Variants in P2RY12 observed in about 807,000 individuals in gnomAD.
P2RY12 encodes P2Y purinoceptor 12.
P2RY12 carries 3 observed loss-of-function variants against 4.5 expected under a neutral mutation model. The observed-to-expected ratio is 0.67, with a 90% CI of 0.31 to 1.74. The LOEUF (loss-of-function observed/expected upper bound fraction) is 1.74. Among genes scored for constraint, P2RY12 ranks in the 40% most tolerant of loss-of-function variants. P2RY12 has a pLI of 0.09. For missense variants in P2RY12, 356 were observed against 407.8 expected, an observed-to-expected ratio of 0.87 and a Z score of 1.09; for synonymous variants, 148 against 154.1, an observed-to-expected ratio of 0.96 and a Z score of 0.29.
chr3:151,356,362 A>G lies in P2RY12; in HGVS notation c.-179-15602T>C, dbSNP rs540986888. Among the ~76,000 whole-genome samples, 3 of 152,296 alleles carry G rather than the reference A, an allele frequency of 2.0e-5. No homozygotes were observed. The South Asian group carries it at 6.2e-4, about 32-fold the overall frequency. ...AGCCATGATCATACAACTGCACTCA[A>G]GCCTATGGGACAGTGCAAGGCCCTG... On this transcript the variant is annotated intron_variant, in intron 1 of 2. Transcript: ENST00000302632.
chr3:151,369,337 C>T, intron 1 of P2RY12: 1 of 702,744 alleles, frequency 1.4e-6, no homozygotes. Flanking sequence ...GGCAATTAAG[C>T]ACCCACAGTC....
At chr3:151,341,158 T>C (rs1157944130) in intron 1 of P2RY12, among the ~76,000 whole-genome samples, 1 of 152,160 alleles carries the variant, frequency 6.6e-6, no homozygotes. Context: ...AACAAGTAAT[T>C]ATGTTAACTC....
intron 1 of P2RY12, chr3:151,350,194 A>G (rs1355586394): frequency 1.9e-6 from 3 of 1,613,578 alleles, no homozygotes; most frequent in Non-Finnish European, 2.5e-6. Flanking sequence ...GAAGAGCACC[A>G]CAGAGACAGG....
chr3:151,376,489 TAAAG>T (rs1221177207), intron 1 of P2RY12, among the ~76,000 whole-genome samples: 23 of 152,186 alleles, frequency 1.5e-4, no homozygotes, highest in Admixed American at 1.5e-3. Flanking sequence ...AATATATTAT[TAAAG>T]AAATATTGAA....
intron 1 of P2RY12, chr3:151,355,767 C>T: frequency 1.5e-6 from 1 of 673,214 alleles, no homozygotes; most frequent in Non-Finnish European, 2.3e-6. Context: ...TCTATAGAAA[C>T]ACGTTTTGAC....
intron 1 of P2RY12, among the ~76,000 whole-genome samples, chr3:151,374,496 C>T (rs911339069): frequency 4.6e-5 from 7 of 152,012 alleles, no homozygotes; most frequent in African/African-American, 7.2e-5. Context: ...TGCAGTGAGC[C>T]GAGATTGCGC....
chr3:151,355,294 A>AT lies in P2RY12; in HGVS notation c.-179-14535dup. The AT allele has an allele frequency of 4.8e-6, 6 of 1,251,110 alleles. No individual in the cohort carries two copies. In the East Asian group the frequency reaches 9.4e-5, roughly 20 times the overall value. The allele number at this position is 1,251,110 out of a possible 1,614,324, so 77.5% of individuals were successfully genotyped here. A position where few individuals can be genotyped will look rare whatever the true frequency, so the allele number is the denominator to read the frequency against. ...TTGCAGTATTCTAATTTACTTAAAA[A>AT]TTTTTTTCATGCAGTATATTTTCTC... On this transcript the variant is annotated intron_variant, in intron 1 of 2. Coordinates refer to ENST00000302632, the MANE Select transcript of P2RY12 (RefSeq NM_022788.5).
chr3:151,382,775 A>G (rs369127425), intron 1 of P2RY12: 3 of 1,549,862 alleles, frequency 1.9e-6, no homozygotes, highest in South Asian at 2.3e-5. Context: ...TTTTCCCTCC[A>G]TTAAACATAT....
intron 1 of P2RY12, among the ~76,000 whole-genome samples, chr3:151,350,392 T>C (rs927655360): frequency 2.0e-5 from 3 of 152,108 alleles, no homozygotes; most frequent in Non-Finnish European, 4.4e-5. Context: ...GCAACCCTTG[T>C]ATTAAAATAT....
At chr3:151,367,318 G>T (rs536929578) in intron 1 of P2RY12, among the ~76,000 whole-genome samples, 11 of 152,178 alleles carry the variant, frequency 7.2e-5, no homozygotes, top group African/African-American at 2.6e-4. Context: ...ATATCTTGTT[G>T]CAGTCTGCCA....
chr3:151,364,909 T>G (rs1001395354), intron 1 of P2RY12: 1 of 1,107,774 alleles, frequency 9.0e-7, no homozygotes, highest in African/African-American at 1.5e-5. Flanking sequence ...TAATATGTCC[T>G]TAAGTGAAAT....
intron 1 of P2RY12, among the ~76,000 whole-genome samples, chr3:151,383,219 C>T (rs1245714994): frequency 6.6e-6 from 1 of 152,194 alleles, no homozygotes; most frequent in African/African-American, 2.4e-5. Context: ...CTTTTCCCAT[C>T]AGGCAGGCCC....
chr3:151,379,392 C>T (rs1165871204), intron 1 of P2RY12, among the ~76,000 whole-genome samples: 3 of 152,182 alleles, frequency 2.0e-5, no homozygotes, highest in African/African-American at 7.2e-5. Flanking sequence ...CAACATGGCG[C>T]TTTGTTTGTC....
Position 151,337,499 on chromosome 3 carries a change from T to C in P2RY12, c.*318A>G. 3.9e-6 allele frequency: 1 copy of C among 256,142 alleles called. No homozygotes were observed. Among genetic ancestry groups the C allele is most frequent in the East Asian group, 9.2e-5 (1 of 10,890 alleles). The allele number at this position is 256,142 out of a possible 1,614,324, so 15.9% of individuals were successfully genotyped here. A position where few individuals can be genotyped will look rare whatever the true frequency, so the allele number is the denominator to read the frequency against. On this transcript the variant is annotated 3_prime_UTR_variant, in exon 3 of 3. Coordinates refer to ENST00000302632, the MANE Select transcript of P2RY12 (RefSeq NM_022788.5). ...GTGAACGATAATGTATTTTAAAAAT[T>C]ACAGTAAATATTATATGATTACTCA...
intron 1 of P2RY12, among the ~76,000 whole-genome samples, 166 bp downstream of exon 1, chr3:151,384,526 G>A (rs962654385): frequency 7.2e-5 from 11 of 152,004 alleles, no homozygotes; most frequent in African/African-American, 2.7e-4. Context: ...TCTATGCTTG[G>A]ACTGGCACGT....
chr3:151,344,821 CATT>C (rs771152561), intron 1 of P2RY12, among the ~76,000 whole-genome samples: 2 of 152,134 alleles, frequency 1.3e-5, no homozygotes, highest in African/African-American at 4.8e-5. Context: ...ATAATTGAAT[CATT>C]GTTGAAATAT....
intron 1 of P2RY12, among the ~76,000 whole-genome samples, chr3:151,373,628 C>A (rs1012699020): frequency 2.0e-5 from 3 of 151,888 alleles, no homozygotes; most frequent in Non-Finnish European, 4.4e-5. Flanking sequence ...TAAGGAAGAG[C>A]CTGCCCTCCT....
At chr3:151,368,988 C>G (rs1018419872) in intron 1 of P2RY12, among the ~76,000 whole-genome samples, 3 of 152,002 alleles carry the variant, frequency 2.0e-5, no homozygotes, top group African/African-American at 7.2e-5. Context: ...GTCTTGAACT[C>G]CTGACCTCGT....
At chr3:151,378,329 C>A (rs1290258168) in intron 1 of P2RY12, among the ~76,000 whole-genome samples, 2 of 152,120 alleles carry the variant, frequency 1.3e-5, no homozygotes, top group South Asian at 2.1e-4. Flanking sequence ...CTGTCTTATT[C>A]CTAAAAAATT....
Sources: allele counts gnomAD v4.1 joint callset (sites outside exome capture counted in the v4.1 genomes callset), GRCh38; gene constraint gnomAD v4.1.1; transcripts MANE v1.5; gene names NCBI Gene and HGNC (gene_info 2026-07-23, HGNC 2026-07-21).